Variants in GALNT7 observed in about 807,000 individuals in gnomAD.
GALNT7 encodes the protein N-acetylgalactosaminyltransferase 7.
Under a neutral mutation model 82.1 loss-of-function variants are expected in GALNT7, and 60 were observed. The observed-to-expected ratio is 0.73, with a 90% CI of 0.59 to 0.91. The LOEUF is 0.91. GALNT7 is among the 40% of genes least tolerant of loss of function. The probability of loss-of-function intolerance (pLI) is 0.00; values close to 1 mark genes in which losing one functional copy is unlikely to be tolerated. For missense variants in GALNT7, 660 were observed against 804.2 expected, an observed-to-expected ratio of 0.82 and a Z score of 2.17; for synonymous variants, 243 against 275.1, an observed-to-expected ratio of 0.88 and a Z score of 1.15.
intron 2 of GALNT7, among the ~76,000 whole-genome samples, chr4:173,290,912 A>G (rs1002873373): frequency 2.1e-4 from 32 of 152,056 alleles, no homozygotes; most frequent in African/African-American, 4.1e-4. Context: ...ATGTTCCCCA[A>G]ATGGAGGTCC....
At chr4:173,193,779 AG>A (rs1732694334) in intron 1 of GALNT7, among the ~76,000 whole-genome samples, 1 of 152,176 alleles carries the variant, frequency 6.6e-6, no homozygotes, top group South Asian at 2.1e-4. Context: ...TGGGTGGTTA[AG>A]GTTTTCATTT....
At chr4:173,318,761 C>A (rs1287029452) in intron 11 of GALNT7, 3 of 429,288 alleles carry the variant, frequency 7.0e-6, no homozygotes, top group East Asian at 4.6e-5. Context: ...TTCTCTCTTA[C>A]AATATTGTCA....
chr4:173,184,608 A>G (rs1336820460), intron 1 of GALNT7, among the ~76,000 whole-genome samples: 4 of 106,144 alleles, frequency 3.8e-5, no homozygotes, highest in Non-Finnish European at 7.1e-5. Flanking sequence ...TCGGCATCAG[A>G]GGGAGACCAG....
chr4:173,319,341 A>G (rs1026590156), intron 11 of GALNT7, among the ~76,000 whole-genome samples: 5 of 152,136 alleles, frequency 3.3e-5, no homozygotes, highest in Non-Finnish European at 7.4e-5. Flanking sequence ...CCCATCTGTC[A>G]TGCAAGCAAG....
At chr4:173,308,858 T>G (rs1737263161) in intron 8 of GALNT7, among the ~76,000 whole-genome samples, 1 of 152,130 alleles carries the variant, frequency 6.6e-6, no homozygotes. Context: ...AGCCGAGATC[T>G]CGCTGCTGCA....
Position 173,295,803 on chromosome 4 carries a change from A to G in GALNT7, c.925A>G (p.Asn309Asp). ...TGATGCCCACTGTGAGGTGGCAGTT[A>G]ACTGGTATGCACCACTTGTAGCTCC... ...YLDAHCEVAV[N>D]WYAPLVAPIS... Residue 309 changes from asparagine (N) to aspartate (D), a missense_variant, in exon 5 of 12, where the codon AAC becomes GAC. Physicochemically the swap from Asn to Asp is conservative, Grantham distance 23. This residue lies in a region of GALNT7 where 527 missense variants were observed against 683.5 expected (regional missense o/e 0.77). Coordinates refer to ENST00000265000, the MANE Select transcript of GALNT7 (RefSeq NM_017423.3). 1 of 1,610,668 alleles carries G rather than the reference A, an allele frequency of 6.2e-7. No homozygotes were observed.
At chr4:173,196,785 A>G (rs1355092878) in intron 1 of GALNT7, among the ~76,000 whole-genome samples, 2 of 152,146 alleles carry the variant, frequency 1.3e-5, no homozygotes, top group Admixed American at 1.3e-4. Flanking sequence ...AAATGACAAC[A>G]TGTGATGTTT....
At chr4:173,178,056 C>T (rs200447491) in intron 1 of GALNT7, among the ~76,000 whole-genome samples, 2,542 of 128,242 alleles carry the variant, frequency 0.02, 84 homozygotes, top group African/African-American at 0.079. Context: ...TGTGTGTGCG[C>T]GCACGCGCGT....
chr4:173,203,604 T>C (rs1163626139), intron 1 of GALNT7, among the ~76,000 whole-genome samples: 7 of 152,214 alleles, frequency 4.6e-5, no homozygotes, highest in Non-Finnish European at 2.9e-5. Flanking sequence ...CCTTGATTCC[T>C]TATGATTTAA....
chr4:173,256,552 T>TCCCTCTCTCCCTCCCA (rs1735045429), intron 2 of GALNT7, among the ~76,000 whole-genome samples: 1 of 131,580 alleles, frequency 7.6e-6, no homozygotes, highest in African/African-American at 2.8e-5. Context: ...TCTCCCTCCC[T>TCCCTCTCTCCCTCCCA]CCCTCCCTTC....
chr4:173,289,635 G>T (rs576341854), intron 2 of GALNT7, among the ~76,000 whole-genome samples: 1 of 152,292 alleles, frequency 6.6e-6, no homozygotes, highest in African/African-American at 2.4e-5. Flanking sequence ...TTAACTGTGG[G>T]TTTGTTTTAG....
chr4:173,305,704 A>G (rs1216595143), intron 8 of GALNT7, among the ~76,000 whole-genome samples: 1 of 152,122 alleles, frequency 6.6e-6, no homozygotes, highest in Admixed American at 6.6e-5. Flanking sequence ...TCAATTGACC[A>G]TAAATGCGTG....
chr4:173,272,299 A>T (rs1234653422), intron 2 of GALNT7, among the ~76,000 whole-genome samples: 5 of 152,212 alleles, frequency 3.3e-5, no homozygotes, highest in Non-Finnish European at 7.3e-5. Context: ...CTCTCAAGAG[A>T]GAATGCAACA....
chr4:173,177,745 C>G (rs1467460817), intron 1 of GALNT7, among the ~76,000 whole-genome samples: 1 of 152,138 alleles, frequency 6.6e-6, no homozygotes. Context: ...GCCTGCTAAC[C>G]TAACCAGTAG....
chr4:173,255,758 G>A (rs1735014733), intron 2 of GALNT7, among the ~76,000 whole-genome samples: 2 of 152,182 alleles, frequency 1.3e-5, no homozygotes, highest in Admixed American at 6.5e-5. Context: ...CTGCCAAAAG[G>A]TGATCAGTTC....
At chr4:173,198,180 C>T (rs566113519) in intron 1 of GALNT7, among the ~76,000 whole-genome samples, 1 of 151,916 alleles carries the variant, frequency 6.6e-6, no homozygotes, top group Non-Finnish European at 1.5e-5. Context: ...CCGCCTCAGC[C>T]TCCCAAGTAG....
chr4:173,185,819 G>A (rs1732445466), intron 1 of GALNT7, among the ~76,000 whole-genome samples: 1 of 152,162 alleles, frequency 6.6e-6, no homozygotes. Context: ...GCATTATTTA[G>A]GTTCAAGAGA....
chr4:173,313,315 T>C (rs1737460246), intron 8 of GALNT7, among the ~76,000 whole-genome samples: 1 of 152,004 alleles, frequency 6.6e-6, no homozygotes, highest in African/African-American at 2.4e-5. Flanking sequence ...ACACATGTAA[T>C]TCCAACACTT....
chr4:173,216,727 A>ATATATAT (rs71244915), intron 1 of GALNT7, among the ~76,000 whole-genome samples: 7 of 12,980 alleles, frequency 5.4e-4, no homozygotes, highest in South Asian at 5.3e-3. Context: ...ATATATATAT[A>ATATATAT]TTTTTTTTTT....
Sources: allele counts gnomAD v4.1 joint callset (sites outside exome capture counted in the v4.1 genomes callset), GRCh38; gene constraint gnomAD v4.1.1; regional missense constraint gnomAD v4.1.1; transcripts MANE v1.5; gene names NCBI Gene and HGNC (gene_info 2026-07-23, HGNC 2026-07-21).